Variants in BAZ2B observed in about 807,000 individuals in gnomAD.
BAZ2B encodes bromodomain adjacent to zinc finger domain protein 2B.
A neutral mutation model predicts 246.0 loss-of-function variants in BAZ2B; 91 were observed. The observed-to-expected ratio is 0.37, with a 90% CI of 0.31 to 0.44. The LOEUF (loss-of-function observed/expected upper bound fraction) is 0.44. Ranked by LOEUF, BAZ2B falls within the 20% of genes least tolerant of loss-of-function variation. BAZ2B has a pLI of 1.00. For missense variants in BAZ2B, 2,332 were observed against 2,533.7 expected (o/e 0.92, Z 1.71); for synonymous variants, 855 against 860.0 (o/e 0.99, Z 0.10).
In BAZ2B at chr2:159,433,289, T is replaced by A. The variant is rs766450940; in HGVS notation, c.1368A>T (p.Ala456=). 6.8e-6 allele frequency: 11 copies of A among 1,614,026 alleles called. No individual in the cohort carries two copies. The highest frequency in any genetic ancestry group is 1.6e-4 in the Middle Eastern group (1 of 6,084). The change falls in exon 9 of 37, where the codon GCA becomes GCT. Residue 456 remains alanine (A), a synonymous_variant. Coordinates refer to ENST00000392783, the MANE Select transcript of BAZ2B (RefSeq NM_013450.4). ...AGGTTGCTTTTGGATTTGACAAAGC[T>A]GCAATAACCTTCTTCAGGCTCTTCG... ...ESSKSLKKVI[A]ALSNPKATSS...
chr2:159,448,033 A>G (rs2074501890), intron 5 of BAZ2B, among the ~76,000 whole-genome samples: 1 of 152,134 alleles, frequency 6.6e-6, no homozygotes, highest in Non-Finnish European at 1.5e-5. Flanking sequence ...CTGAGGCAGG[A>G]GGATTGCTTG....
chr2:159,686,975 G>A, the BAZ2B span, among the ~76,000 whole-genome samples: 1 of 147,216 alleles, frequency 6.8e-6, no homozygotes, highest in Non-Finnish European at 1.5e-5. Context: ...CCGGGTGGCG[G>A]AGCTTGCAGT....
chr2:159,445,233 G>A (rs76739681), intron 6 of BAZ2B, among the ~76,000 whole-genome samples: 2,360 of 152,250 alleles, frequency 0.016, 31 homozygotes, highest in Middle Eastern at 0.048. Flanking sequence ...TACTCAGGAG[G>A]AAGAAATCGC....
At chr2:159,541,528 C>T (rs1474502636) in intron 2 of BAZ2B, among the ~76,000 whole-genome samples, 3 of 152,128 alleles carry the variant, frequency 2.0e-5, no homozygotes, top group African/African-American at 4.8e-5. Context: ...ATCTGCCCAC[C>T]TCAGCCTCCC....
At chr2:159,456,080 A>T (rs553424278) in intron 3 of BAZ2B, among the ~76,000 whole-genome samples, 7 of 151,986 alleles carry the variant, frequency 4.6e-5, no homozygotes, top group Non-Finnish European at 8.8e-5. Context: ...AATTATATCA[A>T]TTACATGTAT....
chr2:159,515,218 A>C (rs1033611994), intron 2 of BAZ2B, among the ~76,000 whole-genome samples: 3 of 152,040 alleles, frequency 2.0e-5, no homozygotes, highest in African/African-American at 7.2e-5. Context: ...TGTCCATAAT[A>C]CATATATACA....
chr2:159,523,884 G>C (rs1311810340), intron 2 of BAZ2B, among the ~76,000 whole-genome samples: 1 of 151,944 alleles, frequency 6.6e-6, no homozygotes, highest in Non-Finnish European at 1.5e-5. Context: ...AATACTCAGG[G>C]AATAATTTAT....
intron 30 of BAZ2B, among the ~76,000 whole-genome samples, chr2:159,348,068 T>TA (rs1297533283): frequency 6.6e-6 from 1 of 151,892 alleles, no homozygotes; most frequent in East Asian, 1.9e-4. Context: ...CCCATAATCT[T>TA]AGCACTTTGG....
chr2:159,600,324 C>G (rs1406957484), intron 1 of BAZ2B, among the ~76,000 whole-genome samples: 1 of 151,996 alleles, frequency 6.6e-6, no homozygotes, highest in East Asian at 1.9e-4. Flanking sequence ...CAGAACCATT[C>G]CTGCCAAACA....
chr2:159,448,095 G>T (rs2074515027), intron 5 of BAZ2B, 147 bp downstream of exon 5: 4 of 894,314 alleles, frequency 4.5e-6, no homozygotes, highest in Admixed American at 3.3e-5. Flanking sequence ...CTGTACTCCA[G>T]CCTGGGCAAA....
chr2:159,702,528 G>T, the BAZ2B span, among the ~76,000 whole-genome samples: 1 of 151,938 alleles, frequency 6.6e-6, no homozygotes, highest in East Asian at 1.9e-4. Flanking sequence ...TTTTATTTTA[G>T]TAGTCCTCTA....
intron 2 of BAZ2B, among the ~76,000 whole-genome samples, chr2:159,504,356 T>A (rs943346132): frequency 6.6e-5 from 10 of 151,956 alleles, no homozygotes; most frequent in Non-Finnish European, 1.3e-4. Context: ...GAGATGAGGG[T>A]CTTACCATGT....
the BAZ2B span, among the ~76,000 whole-genome samples, chr2:159,638,929 A>G: frequency 6.6e-6 from 1 of 152,210 alleles, no homozygotes; most frequent in South Asian, 2.1e-4. Context: ...AATCCAAAGA[A>G]GATTATCTCA....
intron 1 of BAZ2B, among the ~76,000 whole-genome samples, chr2:159,567,907 G>C (rs1019496437): frequency 6.6e-6 from 1 of 152,186 alleles, no homozygotes; most frequent in Non-Finnish European, 1.5e-5. Context: ...GGGAGGCGGA[G>C]GTTGCCGTGA....
At chr2:159,440,917 T>C (rs1225721552) in intron 6 of BAZ2B, among the ~76,000 whole-genome samples, 1 of 152,150 alleles carries the variant, frequency 6.6e-6, no homozygotes, top group Non-Finnish European at 1.5e-5. Context: ...TTGAGTTTTC[T>C]TCCCTCAAAG....
intron 2 of BAZ2B, among the ~76,000 whole-genome samples, chr2:159,529,373 G>T (rs2085113383): frequency 6.6e-6 from 1 of 150,654 alleles, no homozygotes. Context: ...GGCTTCCTTT[G>T]TAACTCTCTC....
At chr2:159,477,239 A>G (rs961791432) in intron 3 of BAZ2B, among the ~76,000 whole-genome samples, 3 of 152,130 alleles carry the variant, frequency 2.0e-5, no homozygotes, top group African/African-American at 2.4e-5. Context: ...CAGGTGGTGG[A>G]GCTTGCAGTG....
chr2:159,393,921 G>A (rs2063653336), intron 20 of BAZ2B, among the ~76,000 whole-genome samples: 1 of 152,170 alleles, frequency 6.6e-6, no homozygotes, highest in South Asian at 2.1e-4. Context: ...AAACCAGCGG[G>A]AGGGTTCATG....
At chr2:159,627,926 T>C in the BAZ2B span, among the ~76,000 whole-genome samples, 1 of 152,238 alleles carries the variant, frequency 6.6e-6, no homozygotes, top group African/African-American at 2.4e-5. Context: ...AACCCCATTG[T>C]CTCAGCGCAA....
Sources: gnomAD v4.1 joint callset for allele counts (sites outside exome capture counted in the v4.1 genomes callset) on GRCh38, gnomAD v4.1.1 for gene constraint, MANE v1.5 for transcripts, NCBI Gene and HGNC (gene_info 2026-07-23, HGNC 2026-07-21) for gene names.